Variants in MORC3 observed in about 807,000 individuals in gnomAD.
MORC3 encodes MORC family CW-type zinc finger 3.
Under a neutral mutation model 109.1 loss-of-function variants are expected in MORC3, and 31 were observed. That is an observed-to-expected ratio of 0.28 (90% CI 0.21 to 0.38). The LOEUF (loss-of-function observed/expected upper bound fraction) is 0.38, where lower values mean the gene tolerates loss of function less well. MORC3 is among the 10% of genes least tolerant of loss of function. The pLI is 1.00. For synonymous variants in MORC3, 395 were observed against 380.7 expected (o/e 1.04, Z -0.44); for missense variants, 867 against 1,135.8 (o/e 0.76, Z 3.40).
At chr21:36,370,829 C>T (rs1034979112) in intron 15 of MORC3, among the ~76,000 whole-genome samples, 3 of 151,066 alleles carry the variant, frequency 2.0e-5, no homozygotes, top group Non-Finnish European at 2.9e-5. Context: ...CCACCATGCC[C>T]GGCTAATTTT....
chr21:36,369,509 A>G lies in MORC3; in HGVS notation c.2141A>G (p.Lys714Arg). 6.2e-7 allele frequency: 1 copy of G among 1,614,190 alleles called. No individual in the cohort carries two copies. Among genetic ancestry groups the G allele is most frequent in the Non-Finnish European group, 8.5e-7 (1 of 1,180,030 alleles). The change falls in exon 15 of 17, where the codon AAA becomes AGA. Residue 714 changes from lysine to arginine, a missense_variant. Lys to Arg is a conservative substitution (Grantham distance 26, BLOSUM62 2). Around this residue, in one of 7 missense-constraint regions of MORC3, gnomAD observed 486 missense variants for 502.1 expected, o/e 0.97. Coordinates refer to ENST00000400485, the MANE Select transcript of MORC3 (RefSeq NM_015358.3). ...GTCACTGAGGAAAAAGAGAATTATAAAAGACAGTGTCATATGTTTACTGAT... is the reference window on the plus strand; with the variant it reads ...GTCACTGAGGAAAAAGAGAATTATAGAAGACAGTGTCATATGTTTACTGAT... ...LLVTEEKENY[K>R]RQCHMFTDQI... is the part of the protein sequence containing the mutation.
chr21:36,320,315 C>T lies in MORC3; in HGVS notation c.39+12C>T, dbSNP rs776912654. The T allele has an allele frequency of 1.3e-6, 2 of 1,499,174 alleles. No homozygotes were observed. The highest frequency in any genetic ancestry group is 8.9e-7 in the Non-Finnish European group (1 of 1,118,084). The allele number at this position is 1,499,174 out of a possible 1,614,324, so 92.9% of individuals were successfully genotyped here. Reference sequence around the variant, plus strand: ...TACGCCTCAGCGCGGTGAGCAGCCGCGAGGGGTGGAGCGGGCCGTGTCCCA... The same window carrying T: ...TACGCCTCAGCGCGGTGAGCAGCCGTGAGGGGTGGAGCGGGCCGTGTCCCA... On this transcript the variant is annotated intron_variant, in intron 1 of 16. Coordinates refer to ENST00000400485, the MANE Select transcript of MORC3 (RefSeq NM_015358.3).
chr21:36,370,612 CATATATATAT>C (rs1182720624), intron 15 of MORC3, among the ~76,000 whole-genome samples: 40 of 46,168 alleles, frequency 8.7e-4, no homozygotes, highest in African/African-American at 4.0e-3. Flanking sequence ...TACATACATA[CATATATATAT>C]ATATATATAT....
chr21:36,345,803 C>A (rs1014312943), intron 8 of MORC3, among the ~76,000 whole-genome samples: 1 of 151,942 alleles, frequency 6.6e-6, no homozygotes, highest in Non-Finnish European at 1.5e-5. Flanking sequence ...GTGATCCACC[C>A]GCCTCGGTCT....
At chr21:36,340,313 A>G (rs888186072) in intron 5 of MORC3, among the ~76,000 whole-genome samples, 4 of 151,288 alleles carry the variant, frequency 2.6e-5, no homozygotes, top group African/African-American at 9.7e-5. Context: ...CAGTAGTACT[A>G]TTGATATTGA....
At chr21:36,338,623 TAAGC>T in intron 4 of MORC3, 147 bp from the exon 5 acceptor site, 1 of 717,538 alleles carries the variant, frequency 1.4e-6, no homozygotes, top group South Asian at 2.4e-5. Context: ...CACTCTAGCC[TAAGC>T]AATAGTGAGA....
chr21:36,326,729 A>G (rs1225991099), intron 1 of MORC3, among the ~76,000 whole-genome samples: 1 of 151,850 alleles, frequency 6.6e-6, no homozygotes, highest in Non-Finnish European at 1.5e-5. Flanking sequence ...TTCACGGTTC[A>G]TCCATGTTGT....
chr21:36,320,197 A>C lies in MORC3; in HGVS notation c.-68A>C. 1.3e-6 allele frequency: 2 copies of C among 1,546,160 alleles called. No individual in the cohort carries two copies. Among genetic ancestry groups the C allele is most frequent in the Non-Finnish European group, 8.8e-7 (1 of 1,142,452 alleles). On this transcript the variant is annotated 5_prime_UTR_variant, in exon 1 of 17. Coordinates refer to ENST00000400485, the MANE Select transcript of MORC3 (RefSeq NM_015358.3). The stretch of plus-strand genomic sequence containing the variant: ...AAGTGGGCGGTACCCATAGGGCTCC[A>C]CAGTCGTTCCGCCACCTCCCAGTCG...
intron 9 of MORC3, among the ~76,000 whole-genome samples, chr21:36,354,408 G>A (rs1052947048): frequency 7.0e-6 from 1 of 143,398 alleles, no homozygotes; most frequent in Non-Finnish European, 1.5e-5. Flanking sequence ...AGGTTCAAGC[G>A]ATTCTTCTGC....
intron 2 of MORC3, among the ~76,000 whole-genome samples, chr21:36,334,879 C>T (rs2085357172): frequency 6.6e-6 from 1 of 152,092 alleles, no homozygotes; most frequent in Non-Finnish European, 1.5e-5. Context: ...ACCTGTAATC[C>T]CAACACTTTG....
At chr21:36,367,890 A>G (rs1265845185) in intron 14 of MORC3, among the ~76,000 whole-genome samples, 1 of 152,250 alleles carries the variant, frequency 6.6e-6, no homozygotes, top group Admixed American at 6.5e-5. Context: ...CCGGAAGCCT[A>G]TATAACAGTT....
In MORC3 at chr21:36,321,189, A is replaced by C. The variant is rs955046448; in HGVS notation, c.39+886A>C. ...CAAACACGTAGTGAATAATTGGTGC[A>C]TTGCTCTGGGACTTTCATTCGTTTA... On this transcript the variant is annotated intron_variant, in intron 1 of 16. Coordinates refer to ENST00000400485, the MANE Select transcript of MORC3 (RefSeq NM_015358.3). Among the ~76,000 whole-genome samples the C allele has an allele frequency of 2.0e-5, 3 of 152,184 alleles. No individual in the cohort carries two copies. In the South Asian group the frequency reaches 6.2e-4, roughly 31 times the overall value.
At chr21:36,335,920 T>C (rs1007696853) in intron 2 of MORC3, among the ~76,000 whole-genome samples, 1 of 151,986 alleles carries the variant, frequency 6.6e-6, no homozygotes, top group Non-Finnish European at 1.5e-5. Context: ...GTCTCTCTCT[T>C]TTTTTCTTTT....
intron 2 of MORC3, 75 bp from the exon 3 acceptor site, chr21:36,336,799 C>T: frequency 7.3e-7 from 1 of 1,367,660 alleles, no homozygotes; most frequent in Non-Finnish European, 9.7e-7. Flanking sequence ...TCTATTGCTT[C>T]TTACAGGATT....
In MORC3 at chr21:36,376,297, T is replaced by TA. The variant is rs1185311695; in HGVS notation, c.*1003dup. 1 of 152,644 alleles carries TA rather than the reference T, an allele frequency of 6.6e-6. No individual in the cohort carries two copies. Among genetic ancestry groups the TA allele is most frequent in the Admixed American group, 6.5e-5 (1 of 15,276 alleles). The allele number at this position is 152,644 out of a possible 1,614,324, so 9.5% of individuals were successfully genotyped here. Reference sequence around the variant, plus strand: ...CAATTTTAAAGAGATGGCTTTCTATTAAGTATAAACTATGTATATATAAGA... The same window carrying TA: ...CAATTTTAAAGAGATGGCTTTCTATTAAAGTATAAACTATGTATATATAAGA... On this transcript the variant is annotated 3_prime_UTR_variant, in exon 17 of 17. Transcript: ENST00000400485.
At chr21:36,364,484 C>T (rs1353273928) in intron 14 of MORC3, among the ~76,000 whole-genome samples, 1 of 152,134 alleles carries the variant, frequency 6.6e-6, no homozygotes, top group African/African-American at 2.4e-5. Context: ...TATTAATTGA[C>T]CAGCCTGGCC....
chr21:36,360,118 A>G (rs2085696300), intron 11 of MORC3, 41 bp downstream of exon 11: 1 of 1,614,056 alleles, frequency 6.2e-7, no homozygotes, highest in Non-Finnish European at 8.5e-7. Flanking sequence ...AAAGACGGAA[A>G]GTACTGTTCA....
intron 13 of MORC3, among the ~76,000 whole-genome samples, chr21:36,363,304 C>T (rs1941154728): frequency 6.6e-6 from 1 of 152,142 alleles, no homozygotes; most frequent in Non-Finnish European, 1.5e-5. Flanking sequence ...ATTCCAGCTA[C>T]TCAGGAGGCT....
At position 36,333,724 on chromosome 21, in the gene MORC3, T is replaced by C; in HGVS notation, c.112+6T>C. 1 of 1,590,416 alleles carries C rather than the reference T, an allele frequency of 6.3e-7. No individual in the cohort carries two copies. On this transcript the variant is annotated splice_donor_region_variant and intron_variant, in intron 2 of 16. Transcript: ENST00000400485. ...TGCAGTTGCTGAATTAATAGGTATG[T>C]AGTTTGACATTTCATATACCATTTG...
Sources: allele counts gnomAD v4.1 joint callset (sites outside exome capture counted in the v4.1 genomes callset), GRCh38; gene constraint gnomAD v4.1.1; regional missense constraint gnomAD v4.1.1; transcripts MANE v1.5; gene names NCBI Gene and HGNC (gene_info 2026-07-23, HGNC 2026-07-21).